Variants in CDH13 observed in about 807,000 individuals in gnomAD.
CDH13 encodes cadherin-13.
In CDH13, 24 loss-of-function variants were observed where a neutral mutation model predicts 63.8. That is an observed-to-expected ratio of 0.38 (90% CI 0.27 to 0.53). The LOEUF (loss-of-function observed/expected upper bound fraction) is 0.53. Ranked by LOEUF, CDH13 falls within the 20% of genes least tolerant of loss-of-function variation. The probability of loss-of-function intolerance (pLI) is 0.85; values close to 1 mark genes in which losing one functional copy is unlikely to be tolerated. For synonymous variants in CDH13, 503 were observed against 355.3 expected, an observed-to-expected ratio of 1.42 and a Z score of -4.67; for missense variants, 1,049 against 903.1, an observed-to-expected ratio of 1.16 and a Z score of -2.07.
chr16:82,817,979 A>G (rs1275125906), intron 1 of CDH13, among the ~76,000 whole-genome samples: 1 of 152,156 alleles, frequency 6.6e-6, no homozygotes, highest in South Asian at 2.1e-4. Context: ...ACACACATAC[A>G]TTTTTATAGA....
At chr16:82,888,557 G>C (rs577743137) in intron 2 of CDH13, among the ~76,000 whole-genome samples, 1 of 152,286 alleles carries the variant, frequency 6.6e-6, no homozygotes, top group Non-Finnish European at 1.5e-5. Context: ...CCTCCATGCA[G>C]CACTGCTCCA....
At chr16:82,899,853 T>C (rs1167091729) in intron 2 of CDH13, among the ~76,000 whole-genome samples, 1 of 152,206 alleles carries the variant, frequency 6.6e-6, no homozygotes, top group Non-Finnish European at 1.5e-5. Flanking sequence ...TTTGCTGTTA[T>C]TTCTCCATAA....
chr16:83,315,006 C>A (rs1382401279), intron 5 of CDH13, among the ~76,000 whole-genome samples: 2 of 152,186 alleles, frequency 1.3e-5, no homozygotes, highest in East Asian at 3.8e-4. Flanking sequence ...TGGCTCCACC[C>A]TGTGTGACTT....
chr16:83,696,980 G>C (rs1049681149), intron 10 of CDH13, among the ~76,000 whole-genome samples: 1 of 151,984 alleles, frequency 6.6e-6, no homozygotes, highest in African/African-American at 2.4e-5. Flanking sequence ...CTCTCCTCTC[G>C]CTCCTCTGGC....
chr16:82,948,353 G>C (rs180930493), intron 2 of CDH13, among the ~76,000 whole-genome samples: 152 of 152,194 alleles, frequency 1.0e-3, no homozygotes, highest in African/African-American at 3.5e-3. Context: ...AAATATTAGG[G>C]GAAGATTTTC....
intron 2 of CDH13, among the ~76,000 whole-genome samples, chr16:82,898,743 A>G (rs1414909699): frequency 6.6e-6 from 1 of 152,204 alleles, no homozygotes; most frequent in East Asian, 1.9e-4. Context: ...TGGTCTTCCC[A>G]GTGAATGATG....
intron 8 of CDH13, among the ~76,000 whole-genome samples, chr16:83,637,193 T>C (rs1359952485): frequency 6.6e-6 from 1 of 152,036 alleles, no homozygotes; most frequent in Non-Finnish European, 1.5e-5. Context: ...CATAACTCAT[T>C]TCCATTGTAA....
At chr16:82,798,399 C>G (rs1048599931) in intron 1 of CDH13, among the ~76,000 whole-genome samples, 12 of 152,224 alleles carry the variant, frequency 7.9e-5, no homozygotes, top group Admixed American at 3.3e-4. Context: ...TTCCCCTAGA[C>G]TGTTTCTTAA....
intron 7 of CDH13, among the ~76,000 whole-genome samples, chr16:83,508,083 GGAAGGAAGGAAGGAAA>G (rs1351919890): frequency 2.3e-4 from 16 of 70,498 alleles, no homozygotes; most frequent in African/African-American, 8.6e-4. Context: ...AAGGAAGGAA[GGAAGGAAGGAAGGAAA>G]GAAGGAAGGA....
At chr16:83,360,687 C>T (rs977470954) in intron 6 of CDH13, among the ~76,000 whole-genome samples, 1 of 152,168 alleles carries the variant, frequency 6.6e-6, no homozygotes, top group Admixed American at 6.6e-5. Flanking sequence ...TTAGCTCCCA[C>T]TTATAAGTGA....
At chr16:83,520,823 A>G (rs190350428) in intron 7 of CDH13, among the ~76,000 whole-genome samples, 1,550 of 152,266 alleles carry the variant, frequency 0.01, 13 homozygotes, top group Middle Eastern at 0.054. Flanking sequence ...AGGGACAGGC[A>G]CAGGATCCAC....
At chr16:83,503,955 G>A (rs1161374866) in intron 7 of CDH13, among the ~76,000 whole-genome samples, 1 of 151,834 alleles carries the variant, frequency 6.6e-6, no homozygotes, top group African/African-American at 2.4e-5. Context: ...TTTTAGTTGG[G>A]GGGTGGGGGG....
intron 5 of CDH13, among the ~76,000 whole-genome samples, chr16:83,325,661 G>T (rs1461518171): frequency 6.6e-6 from 1 of 152,118 alleles, no homozygotes; most frequent in Non-Finnish European, 1.5e-5. Context: ...CTATTCTAGA[G>T]TATTTTGATA....
chr16:83,284,111 A>G (rs2089250725), intron 5 of CDH13, among the ~76,000 whole-genome samples: 2 of 152,164 alleles, frequency 1.3e-5, no homozygotes, highest in Non-Finnish European at 2.9e-5. Flanking sequence ...AGCCTTATTA[A>G]CTAACTCATC....
At chr16:83,312,479 A>C (rs901912974) in intron 5 of CDH13, among the ~76,000 whole-genome samples, 1 of 152,110 alleles carries the variant, frequency 6.6e-6, no homozygotes, top group Non-Finnish European at 1.5e-5. Context: ...CTCTCCAACC[A>C]CCTTCAATTC....
chr16:82,709,062 G>T (rs1157725061), intron 1 of CDH13, among the ~76,000 whole-genome samples: 1 of 152,216 alleles, frequency 6.6e-6, no homozygotes, highest in Admixed American at 6.5e-5. Flanking sequence ...TGAGCTGCCA[G>T]TTACATCGCT....
chr16:83,235,896 A>G (rs1008038492), intron 5 of CDH13, among the ~76,000 whole-genome samples: 19 of 152,148 alleles, frequency 1.2e-4, no homozygotes. Flanking sequence ...TGTGCTATGA[A>G]GTGCTAAAGG....
chr16:83,100,597 C>G (rs2034428572), intron 3 of CDH13, among the ~76,000 whole-genome samples: 1 of 152,230 alleles, frequency 6.6e-6, no homozygotes, highest in Non-Finnish European at 1.5e-5. Flanking sequence ...ATCACCATTT[C>G]CCATGTCTGA....
chr16:83,234,323 C>A (rs2040085281), intron 5 of CDH13, among the ~76,000 whole-genome samples: 1 of 152,180 alleles, frequency 6.6e-6, no homozygotes, highest in Admixed American at 6.5e-5. Context: ...ATTTTTATTC[C>A]TGTTTGGCAC....
Sources: gnomAD v4.1 joint callset for allele counts (sites outside exome capture counted in the v4.1 genomes callset) on GRCh38, gnomAD v4.1.1 for gene constraint, MANE v1.5 for transcripts, NCBI Gene and HGNC (gene_info 2026-07-23, HGNC 2026-07-21) for gene names.